Variants in VAV1 observed in about 807,000 individuals in gnomAD.
The protein encoded by VAV1 is vav guanine nucleotide exchange factor 1.
In VAV1, 33 loss-of-function variants were observed where a neutral mutation model predicts 128.1. That is an observed-to-expected ratio of 0.26 (90% CI 0.20 to 0.34). The LOEUF (loss-of-function observed/expected upper bound fraction) is 0.34, where lower values mean the gene tolerates loss of function less well. Ranked by LOEUF, VAV1 falls within the 10% of genes least tolerant of loss-of-function variation. The probability of loss-of-function intolerance (pLI) is 1.00; values close to 1 mark genes in which losing one functional copy is unlikely to be tolerated. For missense variants in VAV1, 715 were observed against 1,093.7 expected, an observed-to-expected ratio of 0.65 and a Z score of 4.88; for synonymous variants, 394 against 409.8, an observed-to-expected ratio of 0.96 and a Z score of 0.47.
intron 1 of VAV1, among the ~76,000 whole-genome samples, chr19:6,774,427 C>CTTT (rs1002823385): frequency 7.0e-4 from 64 of 91,562 alleles, no homozygotes; most frequent in African/African-American, 1.3e-3. Flanking sequence ...CGCGCCCAGC[C>CTTT]TTTTTTTTTT....
intron 21 of VAV1, among the ~76,000 whole-genome samples, chr19:6,842,538 G>T (rs891780234): frequency 6.6e-6 from 1 of 152,154 alleles, no homozygotes; most frequent in African/African-American, 2.4e-5. Flanking sequence ...CATTCTTTTG[G>T]CTAGGCGTGG....
At chr19:6,795,722 C>T (rs112495019) in intron 1 of VAV1, among the ~76,000 whole-genome samples, 10,705 of 152,110 alleles carry the variant, frequency 0.07, 456 homozygotes, top group African/African-American at 0.094. Flanking sequence ...CTCACTCTGT[C>T]GCCCAGGCTG....
chr19:6,832,914 G>A lies in VAV1; in HGVS notation c.1509-270G>A, dbSNP rs1403943322. Among the ~76,000 whole-genome samples, 4 of 152,094 alleles carry A rather than the reference G, an allele frequency of 2.6e-5. No homozygotes were observed. In the East Asian group the frequency reaches 7.7e-4, roughly 29 times the overall value. On this transcript the variant is annotated intron_variant, in intron 15 of 26. Transcript: ENST00000602142. Reference sequence around the variant, plus strand: ...ATCCAGTTTCAAAACCTTTTCATCAGCCCAAAGGAGACCTCATACCCATTA... The same window carrying A: ...ATCCAGTTTCAAAACCTTTTCATCAACCCAAAGGAGACCTCATACCCATTA...
At chr19:6,783,875 T>A (rs1254713184) in intron 1 of VAV1, among the ~76,000 whole-genome samples, 1 of 152,006 alleles carries the variant, frequency 6.6e-6, no homozygotes, top group Non-Finnish European at 1.5e-5. Context: ...GATAGGTTGG[T>A]TGGACGCAAA....
intron 24 of VAV1, among the ~76,000 whole-genome samples, chr19:6,852,638 A>G (rs13345778): frequency 0.037 from 5,559 of 151,512 alleles, 370 homozygotes; most frequent in African/African-American, 0.13. Flanking sequence ...GGAGAATGGC[A>G]TGAACCCTGG....
Position 6,828,058 on chromosome 19 carries a change from T to C in VAV1, c.928-18T>C, listed in dbSNP as rs1198550433. On this transcript the variant is annotated intron_variant, in intron 9 of 26. Coordinates refer to ENST00000602142, the MANE Select transcript of VAV1 (RefSeq NM_005428.4). This position sits in a 1 kb window ranked among gnomAD's most constrained non-coding sequence, Gnocchi z 4.5. ...CTGGGACCTGCCTCAGTTTCCCCAT[T>C]GTTCTCTGATTCCCCAGGAATGTTC... The C allele has an allele frequency of 6.2e-7, 1 of 1,612,940 alleles. No homozygotes were observed. Among genetic ancestry groups the C allele is most frequent in the Non-Finnish European group, 8.5e-7 (1 of 1,179,112 alleles).
intron 1 of VAV1, 79 bp downstream of exon 1, chr19:6,773,090 G>A: frequency 6.4e-7 from 1 of 1,555,080 alleles, no homozygotes; most frequent in East Asian, 2.2e-5. Context: ...GGGCTGACGT[G>A]CTGCTCCACC....
At chr19:6,836,375 A>T in intron 19 of VAV1, 57 bp from the exon 20 acceptor site, 1 of 1,570,866 alleles carries the variant, frequency 6.4e-7, no homozygotes, top group East Asian at 2.3e-5. Context: ...GGGTGGCAAG[A>T]TTCAGGGTTG....
At chr19:6,834,376 T>C (rs1478087092) in intron 19 of VAV1, among the ~76,000 whole-genome samples, 1 of 151,252 alleles carries the variant, frequency 6.6e-6, no homozygotes, top group Non-Finnish European at 1.5e-5. Context: ...CCCAAGTAGC[T>C]GGGATTATAG....
intron 1 of VAV1, among the ~76,000 whole-genome samples, chr19:6,790,048 G>A (rs992850467): frequency 6.6e-6 from 1 of 152,154 alleles, no homozygotes; most frequent in African/African-American, 2.4e-5. Flanking sequence ...CATGGTGGCA[G>A]GCGCCTGTAA....
chr19:6,789,521 G>A (rs1255620456), intron 1 of VAV1, among the ~76,000 whole-genome samples: 1 of 151,540 alleles, frequency 6.6e-6, no homozygotes, highest in Non-Finnish European at 1.5e-5. Flanking sequence ...AAAGTGCTGG[G>A]ATTTCAGGCA....
At position 6,833,579 on chromosome 19, in the gene VAV1, C is replaced by T; in HGVS notation, c.1662C>T (p.His554=). 6.2e-7 allele frequency: 1 copy of T among 1,613,572 alleles called. No homozygotes were observed. Among genetic ancestry groups the T allele is most frequent in the Non-Finnish European group, 8.5e-7 (1 of 1,179,660 alleles). The stretch of plus-strand genomic sequence containing the variant: ...GCCATCGGTGCCGGGCATCTGCACA[C>T]AAGGAGTGTCTGGGGAGGGTCCCTC... ...YRCHRCRASA[H]KECLGRVPPC... Residue 554 remains histidine (H), a synonymous_variant, in exon 17 of 27, where the codon CAC becomes CAT. Coordinates refer to ENST00000602142, the MANE Select transcript of VAV1 (RefSeq NM_005428.4).
At chr19:6,808,253 A>G (rs1375841588) in intron 1 of VAV1, among the ~76,000 whole-genome samples, 3 of 152,012 alleles carry the variant, frequency 2.0e-5, no homozygotes, top group Admixed American at 6.6e-5. Flanking sequence ...CGGAGTTTGC[A>G]GTGAGCCAAG....
chr19:6,850,830 A>AC (rs927271193), intron 24 of VAV1, 73 bp downstream of exon 24: 8 of 1,513,366 alleles, frequency 5.3e-6, no homozygotes, highest in Non-Finnish European at 7.3e-6. Context: ...CCGCCTTGGG[A>AC]CCCCCTTTTC....
intron 1 of VAV1, among the ~76,000 whole-genome samples, chr19:6,782,780 G>A (rs184235761): frequency 4.3e-4 from 65 of 152,114 alleles, no homozygotes; most frequent in African/African-American, 1.5e-3. Flanking sequence ...TACCTAGGAC[G>A]CTGAGGCAGG....
chr19:6,819,265 T>C (rs1466789656), intron 1 of VAV1, among the ~76,000 whole-genome samples: 1 of 152,154 alleles, frequency 6.6e-6, no homozygotes, highest in African/African-American at 2.4e-5. Context: ...TCTGAACCTA[T>C]TGAGCCTTTA....
At chr19:6,798,659 T>TCCCCCCCCC (rs113208165) in intron 1 of VAV1, among the ~76,000 whole-genome samples, 6 of 145,328 alleles carry the variant, frequency 4.1e-5, no homozygotes, top group African/African-American at 1.0e-4. Flanking sequence ...TTTCTCCCCT[T>TCCCCCCCCC]CCCCCCCCCA....
intron 22 of VAV1, among the ~76,000 whole-genome samples, chr19:6,844,344 G>A (rs377143389): frequency 1.3e-5 from 2 of 151,424 alleles, no homozygotes; most frequent in Admixed American, 6.6e-5. Flanking sequence ...TCAGCCTCCC[G>A]AGCTGGGATT....
intron 6 of VAV1, among the ~76,000 whole-genome samples, chr19:6,824,496 A>G (rs1599657741): frequency 6.6e-6 from 1 of 151,670 alleles, no homozygotes; most frequent in African/African-American, 2.4e-5. Context: ...ATTCCTTTTC[A>G]TGGCTGAATA....
Sources: gnomAD v4.1 joint callset for allele counts (sites outside exome capture counted in the v4.1 genomes callset) on GRCh38, gnomAD v4.1.1 for gene constraint, Gnocchi (gnomAD v3.1) non-coding constraint, MANE v1.5 for transcripts, NCBI Gene and HGNC (gene_info 2026-07-23, HGNC 2026-07-21) for gene names.